The following GRIP1 variants were observed in gnomAD, a reference collection of about 807,000 sequenced individuals.
The protein encoded by GRIP1 is glutamate receptor interacting protein 1, also known as glutamate receptor-interacting protein 1.
In GRIP1, 45 loss-of-function variants were observed where a neutral mutation model predicts 129.9. The ratio of observed to expected loss-of-function variants is 0.35; its 90% CI spans 0.27 to 0.44. The LOEUF (loss-of-function observed/expected upper bound fraction) is 0.44. Among genes scored for constraint, GRIP1 ranks in the 20% least tolerant of loss-of-function variants. The pLI is 1.00. For missense variants in GRIP1, 1,196 were observed against 1,396.8 expected, an observed-to-expected ratio of 0.86 and a Z score of 2.29; for synonymous variants, 530 against 520.8, an observed-to-expected ratio of 1.02 and a Z score of -0.24.
intron 1 of GRIP1, among the ~76,000 whole-genome samples, chr12:66,813,507 G>A (rs1475329191): frequency 6.6e-6 from 1 of 152,192 alleles, no homozygotes; most frequent in Non-Finnish European, 1.5e-5. Flanking sequence ...ATGGTGAGAA[G>A]TGACAAGGTG....
At chr12:66,867,978 C>A (rs1047063966) in intron 1 of GRIP1, among the ~76,000 whole-genome samples, 1 of 152,002 alleles carries the variant, frequency 6.6e-6, no homozygotes, top group African/African-American at 2.4e-5. Flanking sequence ...AAAAATATGA[C>A]ACTTTATTCT....
intron 4 of GRIP1, among the ~76,000 whole-genome samples, chr12:66,532,052 A>C (rs2061477924): frequency 6.6e-6 from 1 of 152,202 alleles, no homozygotes; most frequent in African/African-American, 2.4e-5. Context: ...CTGACTATAA[A>C]ATCTTACAAT....
chr12:66,595,969 T>C (rs936709116), intron 2 of GRIP1, among the ~76,000 whole-genome samples: 5 of 152,210 alleles, frequency 3.3e-5, no homozygotes, highest in African/African-American at 1.2e-4. Flanking sequence ...CCAGTTAATG[T>C]AGGAAACACC....
At chr12:66,938,726 A>G (rs2041529765) in intron 1 of GRIP1, among the ~76,000 whole-genome samples, 1 of 151,946 alleles carries the variant, frequency 6.6e-6, no homozygotes, top group Non-Finnish European at 1.5e-5. Flanking sequence ...TGGGAGGCCA[A>G]GGCGGGCAGA....
At chr12:66,445,612 T>C (rs538750067) in intron 11 of GRIP1, 104 bp from the exon 12 acceptor site, 3 of 732,740 alleles carry the variant, frequency 4.1e-6, no homozygotes, top group East Asian at 2.7e-5. Flanking sequence ...TGAATGGCAA[T>C]GGTGGGAGGT....
chr12:66,769,204 C>T (rs867121537), intron 1 of GRIP1, among the ~76,000 whole-genome samples: 1 of 151,108 alleles, frequency 6.6e-6, no homozygotes, highest in Non-Finnish European at 1.5e-5. Context: ...ATTCACTGTA[C>T]GAATCTTTCT....
In GRIP1 at chr12:66,675,585, C is replaced by T. The variant is rs1423343307; in HGVS notation, c.55+3265G>A. 4.6e-5 allele frequency among the ~76,000 whole-genome samples: 7 copies of T among 152,144 alleles called. No homozygotes were observed. In the East Asian group the frequency reaches 1.3e-3, roughly 29 times the overall value. ...CCTAGCTGAGAAACCAGGGCTGTCCCAGGTAAACAGCTGTGAAGGTAGGTG... is the reference window on the plus strand; with the variant it reads ...CCTAGCTGAGAAACCAGGGCTGTCCTAGGTAAACAGCTGTGAAGGTAGGTG... On this transcript the variant is annotated intron_variant, in intron 1 of 24. Coordinates refer to ENST00000359742, the MANE Select transcript of GRIP1 (RefSeq NM_001366722.1).
chr12:66,549,046 T>C (rs2062038500), intron 2 of GRIP1, among the ~76,000 whole-genome samples: 1 of 152,198 alleles, frequency 6.6e-6, no homozygotes, highest in South Asian at 2.1e-4. Flanking sequence ...AAAATACTAT[T>C]AACAGTTAAA....
At chr12:66,501,752 A>G (rs1242681281) in intron 7 of GRIP1, among the ~76,000 whole-genome samples, 4 of 152,294 alleles carry the variant, frequency 2.6e-5, no homozygotes, top group African/African-American at 4.8e-5. Flanking sequence ...CCTAAAAGAC[A>G]TGTTTCATTT....
At chr12:66,413,191 T>C (rs548635020) in intron 15 of GRIP1, among the ~76,000 whole-genome samples, 1 of 152,274 alleles carries the variant, frequency 6.6e-6, no homozygotes, top group East Asian at 1.9e-4. Flanking sequence ...TACTCTAAAA[T>C]TGATCACATA....
chr12:66,486,816 G>A (rs2059968136), intron 7 of GRIP1, among the ~76,000 whole-genome samples: 2 of 151,468 alleles, frequency 1.3e-5, no homozygotes, highest in South Asian at 4.2e-4. Flanking sequence ...TTTGAGTGAG[G>A]GTCTCACTCT....
intron 2 of GRIP1, among the ~76,000 whole-genome samples, chr12:66,570,034 A>G (rs900088784): frequency 6.6e-6 from 1 of 152,168 alleles, no homozygotes; most frequent in African/African-American, 2.4e-5. Context: ...ATGTCTAAGA[A>G]CAACTATAAA....
intron 1 of GRIP1, among the ~76,000 whole-genome samples, chr12:66,766,597 C>T (rs2037646723): frequency 6.6e-6 from 1 of 152,210 alleles, no homozygotes; most frequent in Admixed American, 6.5e-5. Context: ...TTCCAAATGG[C>T]TGCCCTGTGA....
chr12:66,630,518 C>CG (rs74409063), intron 1 of GRIP1, among the ~76,000 whole-genome samples: 53,504 of 151,950 alleles, frequency 0.35, 9,662 homozygotes, highest in African/African-American at 0.38. Flanking sequence ...AAGAATGAAT[C>CG]GCATTTGCCA....
intron 1 of GRIP1, among the ~76,000 whole-genome samples, chr12:66,699,400 C>T (rs1165544957): frequency 6.6e-6 from 1 of 152,068 alleles, no homozygotes; most frequent in Non-Finnish European, 1.5e-5. Context: ...GTGGGAGGGA[C>T]CTAGTGGGAG....
At chr12:66,701,453 T>C (rs886367977) in intron 1 of GRIP1, among the ~76,000 whole-genome samples, 4 of 152,150 alleles carry the variant, frequency 2.6e-5, no homozygotes, top group Non-Finnish European at 4.4e-5. Context: ...AAGTAAATCC[T>C]CTCCAAGATC....
intron 15 of GRIP1, among the ~76,000 whole-genome samples, chr12:66,413,683 G>A (rs1457783731): frequency 1.3e-5 from 2 of 152,144 alleles, no homozygotes; most frequent in East Asian, 3.9e-4. Context: ...GATAAACATG[G>A]ATGCAAAAAT....
chr12:66,754,043 T>C (rs2037207905), intron 1 of GRIP1, among the ~76,000 whole-genome samples: 1 of 152,216 alleles, frequency 6.6e-6, no homozygotes, highest in African/African-American at 2.4e-5. Context: ...TTTTAACACT[T>C]AGCAGTGTGA....
chr12:66,933,197 G>C (rs1288841061), intron 1 of GRIP1, among the ~76,000 whole-genome samples: 2 of 152,144 alleles, frequency 1.3e-5, no homozygotes, highest in East Asian at 3.9e-4. Context: ...ACAAACTGAG[G>C]CTGGCACCAC....
Sources: allele counts gnomAD v4.1 joint callset (sites outside exome capture counted in the v4.1 genomes callset), GRCh38; gene constraint gnomAD v4.1.1; transcripts MANE v1.5; gene names NCBI Gene and HGNC (gene_info 2026-07-23, HGNC 2026-07-21).